Variants in SOX5 observed in about 807,000 individuals in gnomAD.
The protein encoded by SOX5 is SRY-box transcription factor 5, also known as transcription factor SOX-5.
Under a neutral mutation model 92.0 loss-of-function variants are expected in SOX5, and 9 were observed. The ratio of observed to expected loss-of-function variants is 0.10; its 90% CI spans 0.06 to 0.17. SOX5 has a LOEUF of 0.17. Ranked by LOEUF, SOX5 falls within the 10% of genes least tolerant of loss-of-function variation. The probability of loss-of-function intolerance (pLI) is 1.00; values close to 1 mark genes in which losing one functional copy is unlikely to be tolerated. For missense variants in SOX5, 642 were observed against 944.5 expected, an observed-to-expected ratio of 0.68 and a Z score of 4.20; for synonymous variants, 344 against 336.3, an observed-to-expected ratio of 1.02 and a Z score of -0.25.
intron 4 of SOX5, among the ~76,000 whole-genome samples, chr12:24,121,894 A>G (rs1948666644): frequency 6.6e-6 from 1 of 150,742 alleles, no homozygotes; most frequent in Non-Finnish European, 1.5e-5. Flanking sequence ...TCAAAAAAAA[A>G]AAAAAAAAAA....
chr12:24,252,986 C>T (rs1283909816), intron 3 of SOX5, among the ~76,000 whole-genome samples: 1 of 152,124 alleles, frequency 6.6e-6, no homozygotes, highest in Non-Finnish European at 1.5e-5. Context: ...GTGAGGATTA[C>T]ATTTTTATTC....
At chr12:23,665,411 C>T (rs1382342783) in intron 7 of SOX5, 33 bp downstream of exon 7, 2 of 1,611,680 alleles carry the variant, frequency 1.2e-6, no homozygotes, top group East Asian at 2.2e-5. Flanking sequence ...TTGCCCTCCA[C>T]CCACTCCCAG....
intron 2 of SOX5, among the ~76,000 whole-genome samples, chr12:23,893,598 A>G (rs893602919): frequency 6.6e-6 from 1 of 152,150 alleles, no homozygotes; most frequent in African/African-American, 2.4e-5. Flanking sequence ...TCTTTCTGGT[A>G]TTCTTCTAGT....
intron 2 of SOX5, among the ~76,000 whole-genome samples, chr12:24,333,828 A>C (rs1205098429): frequency 6.9e-6 from 1 of 145,376 alleles, no homozygotes; most frequent in Non-Finnish European, 1.5e-5. Context: ...GATATTTTAT[A>C]ATGTGTCTAA....
At chr12:23,704,202 T>C (rs2091059230) in intron 6 of SOX5, among the ~76,000 whole-genome samples, 1 of 151,966 alleles carries the variant, frequency 6.6e-6, no homozygotes, top group Non-Finnish European at 1.5e-5. Context: ...TTTTATTATC[T>C]TAAAGATGCT....
chr12:24,227,790 G>A (rs150197530), intron 3 of SOX5: 99 of 152,278 alleles, frequency 6.5e-4, no homozygotes, highest in African/African-American at 2.4e-3. Flanking sequence ...CCTTCGATGA[G>A]TACTGTCATC....
chr12:23,931,358 A>G (rs1941357898), intron 1 of SOX5, among the ~76,000 whole-genome samples: 1 of 151,796 alleles, frequency 6.6e-6, no homozygotes, highest in Non-Finnish European at 1.5e-5. Context: ...CAGAGAGGTT[A>G]AGTAACTAGC....
At chr12:24,302,757 T>C (rs369967891) in intron 2 of SOX5, among the ~76,000 whole-genome samples, 6 of 152,274 alleles carry the variant, frequency 3.9e-5, no homozygotes, top group African/African-American at 1.4e-4. Context: ...AATGTCATCA[T>C]TGTTGCCCAG....
chr12:24,028,020 T>C (rs1955072036), intron 4 of SOX5, among the ~76,000 whole-genome samples: 1 of 151,966 alleles, frequency 6.6e-6, no homozygotes, highest in Admixed American at 6.6e-5. Flanking sequence ...ATTCCTAGAT[T>C]TCATCATGCT....
intron 3 of SOX5, among the ~76,000 whole-genome samples, chr12:24,223,793 A>G (rs1300130879): frequency 6.6e-6 from 1 of 151,924 alleles, no homozygotes; most frequent in East Asian, 1.9e-4. Flanking sequence ...CAACAAACAA[A>G]CAAACAAACA....
chr12:24,555,796 C>T (rs752857725), intron 1 of SOX5, among the ~76,000 whole-genome samples: 1 of 152,126 alleles, frequency 6.6e-6, no homozygotes, highest in Non-Finnish European at 1.5e-5. Flanking sequence ...AAGCAAGTGT[C>T]CAAAGCAAGT....
chr12:24,459,310 A>G (rs946395958), intron 1 of SOX5, among the ~76,000 whole-genome samples: 11 of 152,156 alleles, frequency 7.2e-5, no homozygotes, highest in African/African-American at 4.8e-5. Context: ...GAAACCTGAC[A>G]AGGTAACCTA....
At chr12:24,190,062 T>C (rs1956376501) in intron 4 of SOX5, among the ~76,000 whole-genome samples, 1 of 152,222 alleles carries the variant, frequency 6.6e-6, no homozygotes, top group Non-Finnish European at 1.5e-5. Context: ...AAAAGTTTCA[T>C]GTATTATTCA....
intron 1 of SOX5, among the ~76,000 whole-genome samples, chr12:24,399,131 G>A (rs932217797): frequency 3.3e-5 from 5 of 152,036 alleles, no homozygotes; most frequent in Non-Finnish European, 7.4e-5. Flanking sequence ...AGTCAAAGTC[G>A]AAGCACTGGT....
At chr12:23,716,724 C>G (rs992252960) in intron 6 of SOX5, among the ~76,000 whole-genome samples, 9 of 152,148 alleles carry the variant, frequency 5.9e-5, no homozygotes, top group Non-Finnish European at 1.2e-4. Flanking sequence ...TTTATCTTAA[C>G]AGCTACGTGA....
chr12:24,275,232 A>G (rs533538765), intron 3 of SOX5, among the ~76,000 whole-genome samples: 17 of 152,284 alleles, frequency 1.1e-4, no homozygotes, highest in African/African-American at 4.1e-4. Flanking sequence ...CTATGAGGAA[A>G]ATTAAAACTT....
intron 2 of SOX5, among the ~76,000 whole-genome samples, chr12:24,350,980 C>T (rs1324198575): frequency 2.0e-5 from 3 of 152,062 alleles, no homozygotes; most frequent in Non-Finnish European, 2.9e-5. Context: ...TTGCCTCGAG[C>T]CCAGGAGCTG....
chr12:23,697,179 C>G (rs1452098044), intron 6 of SOX5, among the ~76,000 whole-genome samples: 2 of 152,022 alleles, frequency 1.3e-5, no homozygotes, highest in Admixed American at 6.6e-5. Context: ...TTGAAATATC[C>G]AACTGTAATT....
At chr12:24,293,873 G>A (rs1384562932) in intron 2 of SOX5, among the ~76,000 whole-genome samples, 1 of 152,106 alleles carries the variant, frequency 6.6e-6, no homozygotes. Flanking sequence ...ATGGCATAAA[G>A]TATCAAACCT....
Sources: gnomAD v4.1 joint callset for allele counts (sites outside exome capture counted in the v4.1 genomes callset) on GRCh38, gnomAD v4.1.1 for gene constraint, MANE v1.5 for transcripts, NCBI Gene and HGNC (gene_info 2026-07-23, HGNC 2026-07-21) for gene names.